The following NT5C3B variants were observed in gnomAD, a reference collection of about 807,000 sequenced individuals.
NT5C3B encodes the protein 5'-nucleotidase, cytosolic IIIB.
In NT5C3B, 28 loss-of-function variants were observed where a neutral mutation model predicts 32.5. That is an observed-to-expected ratio of 0.86 (90% confidence interval 0.64 to 1.18). The LOEUF is 1.18. NT5C3B is among the 50% of genes most tolerant of loss of function. NT5C3B has a pLI of 0.00. For missense variants in NT5C3B, 317 were observed against 322.0 expected (o/e 0.98, Z 0.12); for synonymous variants, 138 against 118.0 (o/e 1.17, Z -1.10).
chr17:41,835,835 G>A (rs781823166), intron 2 of NT5C3B, 24 bp downstream of exon 2: 79 of 1,588,238 alleles, frequency 5.0e-5, no homozygotes, highest in Non-Finnish European at 6.3e-5. Context: ...CAGCCCGGCC[G>A]GCCCCCGCAC....
chr17:41,835,776 A>G lies in NT5C3B; in HGVS notation c.111+83T>C, dbSNP rs1439934266. On this transcript the variant is annotated intron_variant, in intron 2 of 8. Coordinates refer to ENST00000435506, the MANE Select transcript of NT5C3B (RefSeq NM_052935.5). The stretch of plus-strand genomic sequence containing the variant: ...CAGAGAGCTAGGAGGGGTCCGCGGC[A>G]GAGCAAAGCGGGAAGGCCCAATGGG... The G allele has an allele frequency of 4.5e-6, 6 of 1,322,854 alleles. No homozygotes were observed. In the African/African-American group the frequency reaches 8.7e-5, roughly 19 times the overall value. 81.9% of individuals were successfully genotyped at this position (1,322,854 alleles called of 1,614,324 possible).
At chr17:41,829,455 G>A (rs1240352048) in intron 6 of NT5C3B, among the ~76,000 whole-genome samples, 2 of 152,212 alleles carry the variant, frequency 1.3e-5, no homozygotes, top group African/African-American at 4.8e-5. Flanking sequence ...TTTGACATAT[G>A]TATACACCCA....
At chr17:41,835,824 C>G in intron 2 of NT5C3B, 35 bp downstream of exon 2, 1 of 1,569,176 alleles carries the variant, frequency 6.4e-7, no homozygotes, top group Non-Finnish European at 8.7e-7. Context: ...CCAGCCGCCC[C>G]CAGCCCGGCC....
At chr17:41,826,758 C>T (rs1474517382) in intron 8 of NT5C3B, among the ~76,000 whole-genome samples, 4 of 151,878 alleles carry the variant, frequency 2.6e-5, no homozygotes, top group South Asian at 4.1e-4. Context: ...CCCAGCACTT[C>T]GGGAGACTGA....
intron 5 of NT5C3B, 61 bp downstream of exon 5, chr17:41,832,331 G>T: frequency 7.2e-7 from 1 of 1,391,314 alleles, no homozygotes; most frequent in Non-Finnish European, 1.0e-6. Context: ...GGAAAAATAT[G>T]CCCCTCCCAG....
chr17:41,832,703 A>C (rs2048072858), intron 4 of NT5C3B: 1 of 341,660 alleles, frequency 2.9e-6, no homozygotes. Flanking sequence ...CCCTGTCTCT[A>C]CTAAAAAATA....
chr17:41,830,436 G>C (rs2048032575), intron 6 of NT5C3B, among the ~76,000 whole-genome samples: 1 of 152,204 alleles, frequency 6.6e-6, no homozygotes, highest in South Asian at 2.1e-4. Context: ...TTGAACCCAG[G>C]AGGTGGAGGT....
rs1382221058 is a variant in NT5C3B at position 41,827,479 on chromosome 17, C to T, written c.715G>A (p.Asp239Asn). ...GDSIGDLTMA[D>N]GVPGVQNILK... The stretch of plus-strand genomic sequence containing the variant: ...ATGTTCTGCACACCAGGAACCCCAT[C>T]GGCCATGGTGAGGTCCCCGATAGAG... The change falls in exon 8 of 9, where the codon GAT becomes AAT. Residue 239 changes from aspartate (D) to asparagine (N), a missense_variant. Asp to Asn is a conservative substitution (Grantham distance 23). Transcript: ENST00000435506. 7 of 872,836 alleles carry T rather than the reference C, an allele frequency of 8.0e-6. No individual in the cohort carries two copies. Among genetic ancestry groups the T allele is most frequent in the Middle Eastern group, 2.2e-4 (1 of 4,632 alleles). 54.1% of individuals were successfully genotyped at this position (872,836 alleles called of 1,614,324 possible).
In NT5C3B at chr17:41,832,383, A is replaced by G; in HGVS notation, c.314+9T>C. On this transcript the variant is annotated intron_variant, in intron 5 of 8. Transcript: ENST00000435506. ...GGCCCAGAAGCTTTTCTCCACCACC[A>G]TCACTCACCATTCCACCATATGAGG... 5.0e-6 allele frequency: 8 copies of G among 1,612,562 alleles called. No homozygotes were observed. The highest frequency in any genetic ancestry group is 6.8e-6 in the Non-Finnish European group (8 of 1,178,852).
chr17:41,829,227 G>A (rs1209624466), intron 6 of NT5C3B, among the ~76,000 whole-genome samples: 1 of 152,102 alleles, frequency 6.6e-6, no homozygotes, highest in African/African-American at 2.4e-5. Flanking sequence ...TTCCTCTGTT[G>A]CCCAGGCTGG....
intron 2 of NT5C3B, chr17:41,835,621 T>TA (rs2048137250): frequency 4.6e-6 from 3 of 658,988 alleles, no homozygotes; most frequent in African/African-American, 3.8e-5. Context: ...GATAAGGCCC[T>TA]AGGTACTGGT....
chr17:41,827,733 T>C (rs1555618431), intron 7 of NT5C3B, 107 bp from the exon 8 acceptor site: 5 of 676,134 alleles, frequency 7.4e-6, no homozygotes, highest in Non-Finnish European at 1.3e-5. Flanking sequence ...AAGTGATAGA[T>C]AATGCCAAAA....
chr17:41,825,444 T>C lies in NT5C3B; in HGVS notation c.*79A>G. ...CACTGCTGGCCACCCTGGCCTCTGC[T>C]CTGTGTTCACGGGGGAGCAGACTCT... On this transcript the variant is annotated 3_prime_UTR_variant, in exon 9 of 9. Coordinates refer to ENST00000435506, the MANE Select transcript of NT5C3B (RefSeq NM_052935.5). 1 of 787,648 alleles carries C rather than the reference T, an allele frequency of 1.3e-6. No individual in the cohort carries two copies. Among genetic ancestry groups the C allele is most frequent in the South Asian group, 1.5e-5 (1 of 67,812 alleles). The allele number at this position is 787,648 out of a possible 1,614,324, so 48.8% of individuals were successfully genotyped here.
intron 4 of NT5C3B, chr17:41,832,729 G>T (rs1003667163): frequency 5.3e-5 from 16 of 299,500 alleles, no homozygotes; most frequent in African/African-American, 2.8e-4. Flanking sequence ...ATTAGCCGGT[G>T]TAGTGGCATG....
At chr17:41,835,490 G>A in intron 2 of NT5C3B, 1 of 656,132 alleles carries the variant, frequency 1.5e-6, no homozygotes, top group South Asian at 1.7e-5. Flanking sequence ...TAGTGTGGGG[G>A]CAAGGGTGAA....
intron 6 of NT5C3B, 109 bp downstream of exon 6, chr17:41,830,692 T>G (rs2048036586): frequency 1.3e-6 from 1 of 767,472 alleles, no homozygotes; most frequent in Non-Finnish European, 2.3e-6. Context: ...CCATGTCCCT[T>G]CCGGTCCTTT....
In NT5C3B at chr17:41,835,241, C is replaced by G. The variant is rs782161010; in HGVS notation, c.143G>C (p.Arg48Thr). 1.9e-6 allele frequency: 3 copies of G among 1,614,118 alleles called. No homozygotes were observed. The highest frequency in any genetic ancestry group is 2.5e-6 in the Non-Finnish European group (3 of 1,180,004). The change falls in exon 3 of 9, where the codon AGG becomes ACG. Residue 48 changes from arginine (R) to threonine (T), a missense_variant. Coordinates refer to ENST00000435506, the MANE Select transcript of NT5C3B (RefSeq NM_052935.5). The stretch of plus-strand genomic sequence containing the variant: ...GCATCGCTTTCCATTATATGCAAAC[C>G]TGCTCAAGGTCATGTCAAAATCAGA... ...VISDFDMTLS[R>T]FAYNGKRCPS...
intron 7 of NT5C3B, chr17:41,828,527 G>T: frequency 6.6e-6 from 2 of 302,744 alleles, no homozygotes; most frequent in Non-Finnish European, 1.3e-5. Flanking sequence ...AGTACAGATG[G>T]ACTTTCACCA....
chr17:41,830,656 C>A, intron 6 of NT5C3B, 145 bp downstream of exon 6: 1 of 638,638 alleles, frequency 1.6e-6, no homozygotes, highest in Non-Finnish European at 2.8e-6. Context: ...AATGCTTTAG[C>A]TGTATCACAT....
Sources: allele counts gnomAD v4.1 joint callset (sites outside exome capture counted in the v4.1 genomes callset), GRCh38; gene constraint gnomAD v4.1.1; transcripts MANE v1.5; gene names NCBI Gene and HGNC (gene_info 2026-07-23, HGNC 2026-07-21).